The following IDE variants were observed in gnomAD, a reference collection of about 807,000 sequenced individuals.
IDE encodes insulin-degrading enzyme.
Under a neutral mutation model 133.2 loss-of-function variants are expected in IDE, and 58 were observed. The observed-to-expected ratio is 0.44, with a 90% CI of 0.35 to 0.54. The LOEUF (loss-of-function observed/expected upper bound fraction) is 0.54. IDE is among the 20% of genes least tolerant of loss of function. IDE has a pLI of 0.00. For missense variants in IDE, 981 were observed against 1,234.0 expected, an observed-to-expected ratio of 0.79 and a Z score of 3.07; for synonymous variants, 396 against 421.3, an observed-to-expected ratio of 0.94 and a Z score of 0.73.
chr10:92,461,646 G>A (rs995603475), intron 21 of IDE, among the ~76,000 whole-genome samples: 2 of 151,846 alleles, frequency 1.3e-5, no homozygotes, highest in Non-Finnish European at 2.9e-5. Flanking sequence ...GTGAGCCATC[G>A]CGTCTGGCCA....
In IDE at chr10:92,454,011, T is replaced by C. The variant is rs1196502234; in HGVS notation, c.*433A>G. ...TGAAACCATCAAGTAGAAAGCAAAT[T>C]TGAGGATCAATTTTTAAAAAGTTAT... On this transcript the variant is annotated 3_prime_UTR_variant, in exon 25 of 25. Coordinates refer to ENST00000265986, the MANE Select transcript of IDE (RefSeq NM_004969.4). 6.5e-6 allele frequency: 1 copy of C among 153,656 alleles called. No homozygotes were observed. Among genetic ancestry groups the C allele is most frequent in the Non-Finnish European group, 1.4e-5 (1 of 68,968 alleles). The allele number at this position is 153,656 out of a possible 1,614,324, so 9.5% of individuals were successfully genotyped here.
At chr10:92,478,885 T>C (rs1846433799) in intron 15 of IDE, 3 of 496,306 alleles carry the variant, frequency 6.0e-6, no homozygotes, top group Middle Eastern at 1.6e-3. Context: ...TGCAGCCTCA[T>C]GATCTGGATT....
Position 92,475,110 on chromosome 10 carries a change from G to A in IDE, c.1996-149C>T, listed in dbSNP as rs896447958. On this transcript the variant is annotated intron_variant, in intron 16 of 24. Transcript: ENST00000265986. Reference sequence around the variant, plus strand: ...TTTCTGAAGTTATATAATTAAGAATGGGGTTTATTCCTCTCCGATCTTTAC... The same window carrying A: ...TTTCTGAAGTTATATAATTAAGAATAGGGTTTATTCCTCTCCGATCTTTAC... 2.9e-5 allele frequency: 18 copies of A among 628,644 alleles called. No homozygotes were observed. The South Asian group carries it at 3.8e-4, about 13-fold the overall frequency. The allele number at this position is 628,644 out of a possible 1,614,324, so 38.9% of individuals were successfully genotyped here.
chr10:92,469,254 T>A (rs184885110), intron 18 of IDE, among the ~76,000 whole-genome samples: 1 of 152,126 alleles, frequency 6.6e-6, no homozygotes, highest in Non-Finnish European at 1.5e-5. Flanking sequence ...TGGTCTCAAG[T>A]GAAATGATCC....
chr10:92,541,192 GC>G, intron 1 of IDE: 1 of 288,306 alleles, frequency 3.5e-6, no homozygotes. Flanking sequence ...AGAAATAGTA[GC>G]AACATTTTCA....
chr10:92,483,412 AGAG>A (rs1424577784), intron 13 of IDE, 75 bp from the exon 14 acceptor site: 11 of 799,718 alleles, frequency 1.4e-5, no homozygotes, highest in African/African-American at 3.4e-5. Flanking sequence ...TCACTCTTCA[AGAG>A]GAGGAGGACA....
intron 1 of IDE, among the ~76,000 whole-genome samples, chr10:92,573,544 G>C (rs1012940701): frequency 2.0e-5 from 3 of 152,254 alleles, no homozygotes; most frequent in Admixed American, 1.3e-4. Flanking sequence ...GTCCGCCTCA[G>C]GTTCCCGGCC....
chr10:92,552,613 C>CT (rs1344408385), intron 1 of IDE, among the ~76,000 whole-genome samples: 1 of 151,920 alleles, frequency 6.6e-6, no homozygotes, highest in Non-Finnish European at 1.5e-5. Flanking sequence ...AATCCCAGGA[C>CT]TTTGGGAGGC....
At chr10:92,492,111 T>G (rs1487659000) in intron 11 of IDE, among the ~76,000 whole-genome samples, 2 of 151,884 alleles carry the variant, frequency 1.3e-5, no homozygotes, top group South Asian at 4.2e-4. Context: ...ATACAAAAAA[T>G]TAGCCGGGTG....
intron 4 of IDE, among the ~76,000 whole-genome samples, chr10:92,528,211 T>C (rs1241057076): frequency 1.3e-5 from 2 of 152,242 alleles, no homozygotes; most frequent in African/African-American, 2.4e-5. Flanking sequence ...ACAAAAGTGA[T>C]AGTGGGCATC....
At position 92,490,599 on chromosome 10, in the gene IDE, G is replaced by A. The variant is rs766004921; in HGVS notation, c.1431-4C>T. The A allele has an allele frequency of 6.3e-7, 1 of 1,580,208 alleles. No homozygotes were observed. Among genetic ancestry groups the A allele is most frequent in the South Asian group, 1.1e-5 (1 of 89,508 alleles). ...AGATTTAGAAACTATGGCAACCCTA[G>A]AGATAGAAAAAACAAACAAAAAAAC... On this transcript the variant is annotated splice_region_variant and splice_polypyrimidine_tract_variant and intron_variant, in intron 11 of 24. Coordinates refer to ENST00000265986, the MANE Select transcript of IDE (RefSeq NM_004969.4).
intron 4 of IDE, among the ~76,000 whole-genome samples, chr10:92,525,443 A>C (rs1224809701): frequency 6.6e-6 from 1 of 152,220 alleles, no homozygotes; most frequent in Non-Finnish European, 1.5e-5. Flanking sequence ...CATCATATGG[A>C]ACAGCGAAAA....
At chr10:92,456,250 G>A (rs145571079) in intron 23 of IDE, 109 bp downstream of exon 23, 23 of 792,742 alleles carry the variant, frequency 2.9e-5, no homozygotes, top group Middle Eastern at 2.3e-4. Flanking sequence ...TCCAGTTTCC[G>A]TTCTCTACCT....
intron 1 of IDE, among the ~76,000 whole-genome samples, chr10:92,565,427 A>AAAAG (rs1843490845): frequency 6.7e-6 from 1 of 148,480 alleles, no homozygotes; most frequent in Non-Finnish European, 1.5e-5. Context: ...AAAAAAAAAG[A>AAAAG]AAAGAAAGAA....
rs1347284428 is a variant in IDE at position 92,456,449 on chromosome 10, C to G, written c.2824-18G>C. On this transcript the variant is annotated intron_variant, in intron 22 of 24. Coordinates refer to ENST00000265986, the MANE Select transcript of IDE (RefSeq NM_004969.4). Reference sequence around the variant, plus strand: ...AACATTTCCTAGGCACAAAGAAGAGCAGGGTCACCCTTTTGCTCCACTAAA... The same window carrying G: ...AACATTTCCTAGGCACAAAGAAGAGGAGGGTCACCCTTTTGCTCCACTAAA... 2 of 1,587,288 alleles carry G rather than the reference C, an allele frequency of 1.3e-6. No individual in the cohort carries two copies. Among genetic ancestry groups the G allele is most frequent in the African/African-American group, 1.3e-5 (1 of 74,308 alleles).
intron 10 of IDE, 39 bp from the exon 11 acceptor site, chr10:92,504,936 A>G: frequency 1.1e-6 from 1 of 900,438 alleles, no homozygotes. Flanking sequence ...AAATATACAA[A>G]GCTACTACAT....
intron 1 of IDE, among the ~76,000 whole-genome samples, chr10:92,537,865 TTTTG>T (rs1472342944): frequency 6.6e-6 from 1 of 151,894 alleles, no homozygotes; most frequent in Non-Finnish European, 1.5e-5. Context: ...TTTTTGCTGG[TTTTG>T]TTTTTGTTTT....
At chr10:92,497,188 T>C (rs1847754380) in intron 11 of IDE, among the ~76,000 whole-genome samples, 1 of 152,196 alleles carries the variant, frequency 6.6e-6, no homozygotes, top group Non-Finnish European at 1.5e-5. Flanking sequence ...ATAGCTGTCT[T>C]TGTAGATTTA....
chr10:92,515,135 TTAAAAA>T lies in IDE; in HGVS notation c.662-99_662-94del, dbSNP rs1848834891. 3.9e-6 allele frequency: 4 copies of T among 1,018,376 alleles called. No individual in the cohort carries two copies. The Admixed American group carries it at 9.1e-5, about 23-fold the overall frequency. The allele number at this position is 1,018,376 out of a possible 1,614,324, so 63.1% of individuals were successfully genotyped here. A position where few individuals can be genotyped will look rare whatever the true frequency, so the allele number is the denominator to read the frequency against. On this transcript the variant is annotated intron_variant, in intron 4 of 24. Coordinates refer to ENST00000265986, the MANE Select transcript of IDE (RefSeq NM_004969.4). ...TCACTGATATTGCTTAAGATGAACT[TTAAAAA>T]TAAAGTTCTAATACACAGAATAACT...
Sources: gnomAD v4.1 joint callset for allele counts (sites outside exome capture counted in the v4.1 genomes callset) on GRCh38, gnomAD v4.1.1 for gene constraint, MANE v1.5 for transcripts, NCBI Gene and HGNC (gene_info 2026-07-23, HGNC 2026-07-21) for gene names.